BCLAF1: variants seen among roughly 807,000 people sequenced by gnomAD.
The protein encoded by BCLAF1 is bcl-2-associated transcription factor 1.
In BCLAF1, 10 loss-of-function variants were observed where a neutral mutation model predicts 99.5. That is an observed-to-expected ratio of 0.10 (90% CI 0.06 to 0.17). BCLAF1 has a LOEUF of 0.17. Ranked by LOEUF, BCLAF1 falls within the 10% of genes least tolerant of loss-of-function variation. The pLI, the probability that BCLAF1 is intolerant of heterozygous loss-of-function variation, is 1.00. For synonymous variants in BCLAF1, 255 were observed against 370.9 expected (o/e 0.69, Z 3.59); for missense variants, 636 against 1,105.8 (o/e 0.58, Z 6.02).
chr6:136,261,104 T>A lies in BCLAF1; in HGVS notation c.*6A>T, dbSNP rs1780906820. The stretch of plus-strand genomic sequence containing the variant: ...TCTGCTCTGTTGTAATCTTACTTCA[T>A]ATTTATTATTCCTAAAAGAGAGAGA... On this transcript the variant is annotated 3_prime_UTR_variant, in exon 13 of 13. Transcript: ENST00000531224. The A allele has an allele frequency of 6.3e-6, 10 of 1,577,688 alleles. No homozygotes were observed. In the East Asian group the frequency reaches 2.2e-4, roughly 35 times the overall value.
chr6:136,265,710 G>C (rs1424330232), intron 11 of BCLAF1, among the ~76,000 whole-genome samples: 1 of 152,088 alleles, frequency 6.6e-6, no homozygotes, highest in Admixed American at 6.6e-5. Context: ...TTAAGGTCAA[G>C]TTCCTCTACA....
At chr6:136,261,205 T>G in intron 12 of BCLAF1, 60 bp downstream of exon 12, 2 of 1,572,856 alleles carry the variant, frequency 1.3e-6, no homozygotes, top group South Asian at 2.3e-5. Context: ...AATGAAATAA[T>G]TCACCCACCA....
chr6:136,281,977 A>G (rs999849702), intron 2 of BCLAF1, among the ~76,000 whole-genome samples: 2 of 152,220 alleles, frequency 1.3e-5, no homozygotes, highest in Non-Finnish European at 2.9e-5. Context: ...ACGGAAAGAA[A>G]GCATGCCTAT....
chr6:136,275,126 TAAC>T (rs1187605057), intron 6 of BCLAF1, among the ~76,000 whole-genome samples: 17 of 152,068 alleles, frequency 1.1e-4, no homozygotes, highest in Admixed American at 9.8e-4. Context: ...AAATATTCAA[TAAC>T]AATACTGTCT....
chr6:136,278,730 G>C lies in BCLAF1; in HGVS notation c.151C>G (p.Arg51Gly), dbSNP rs779833402. The C allele has an allele frequency of 6.2e-7, 1 of 1,605,074 alleles. No homozygotes were observed. ...RTYSRSRSRD[R>G]MYSRDYRRDY... ...CGACGATAATCTCTAGAATACATACGATCTCTACTACGAGACCTTGAATAT... is the reference window on the plus strand; with the variant it reads ...CGACGATAATCTCTAGAATACATACCATCTCTACTACGAGACCTTGAATAT... Residue 51 changes from arginine to glycine, a missense_variant, in exon 4 of 13, where the codon CGT (arginine) becomes GGT (glycine). Transcript: ENST00000531224.
intron 9 of BCLAF1, chr6:136,268,993 A>T: frequency 2.1e-6 from 1 of 480,822 alleles, no homozygotes; most frequent in Non-Finnish European, 2.8e-6. Flanking sequence ...TATTATTTTG[A>T]AAGACTAATA....
intron 11 of BCLAF1, among the ~76,000 whole-genome samples, chr6:136,263,468 A>C (rs771517958): frequency 6.4e-4 from 97 of 152,192 alleles, no homozygotes; most frequent in Admixed American, 6.5e-4. Context: ...TTTTGATGCT[A>C]AACATATTCT....
chr6:136,275,188 A>G (rs1363480911), intron 6 of BCLAF1, among the ~76,000 whole-genome samples: 2 of 152,124 alleles, frequency 1.3e-5, no homozygotes, highest in Admixed American at 6.6e-5. Context: ...ATAGGCATGC[A>G]ATGAAAGACT....
chr6:136,272,630 A>C (rs917500735), intron 7 of BCLAF1, among the ~76,000 whole-genome samples: 2 of 151,984 alleles, frequency 1.3e-5, no homozygotes, highest in African/African-American at 4.8e-5. Flanking sequence ...CACATTTTGT[A>C]TATGAAAAAA....
chr6:136,261,888 A>G (rs913952149), intron 11 of BCLAF1, among the ~76,000 whole-genome samples: 2 of 152,240 alleles, frequency 1.3e-5, no homozygotes, highest in Non-Finnish European at 2.9e-5. Flanking sequence ...AGTCATAAAA[A>G]TATCATTAAA....
chr6:136,283,855 A>G (rs1045144858), intron 1 of BCLAF1, among the ~76,000 whole-genome samples: 1 of 152,146 alleles, frequency 6.6e-6, no homozygotes, highest in South Asian at 2.1e-4. Context: ...AAAAAGTAGC[A>G]AAGTCAAAAA....
At chr6:136,274,930 G>C (rs1490598494) in intron 6 of BCLAF1, among the ~76,000 whole-genome samples, 1 of 151,408 alleles carries the variant, frequency 6.6e-6, no homozygotes. Context: ...ATCCTAATTA[G>C]TCACTATTCA....
In BCLAF1 at chr6:136,258,039, A is replaced by AT. The variant is rs1213739512; in HGVS notation, c.*3070dup. On this transcript the variant is annotated 3_prime_UTR_variant, in exon 13 of 13. Transcript: ENST00000531224. ...CACACAGAGTTATTTCTCTCACAGAATTTTTAAGGACTAATTTGCCATTTG... is the reference window on the plus strand; with the variant it reads ...CACACAGAGTTATTTCTCTCACAGAATTTTTTAAGGACTAATTTGCCATTTG... 6.6e-6 allele frequency: 1 copy of AT among 152,150 alleles called. No homozygotes were observed. The highest frequency in any genetic ancestry group is 1.5e-5 in the Non-Finnish European group (1 of 67,962). 9.4% of individuals were successfully genotyped at this position (152,150 alleles called of 1,614,324 possible).
At chr6:136,263,517 A>G (rs1275375682) in intron 11 of BCLAF1, among the ~76,000 whole-genome samples, 1 of 152,214 alleles carries the variant, frequency 6.6e-6, no homozygotes, top group Non-Finnish European at 1.5e-5. Context: ...CAGTCTCATT[A>G]TTAAAATGTT....
At chr6:136,288,439 C>T (rs973841655) in intron 1 of BCLAF1, among the ~76,000 whole-genome samples, 2 of 152,160 alleles carry the variant, frequency 1.3e-5, no homozygotes, top group African/African-American at 4.8e-5. Flanking sequence ...GTTTTTCCTA[C>T]GTAAAGGTTA....
chr6:136,281,949 C>G (rs1420958797), intron 2 of BCLAF1, among the ~76,000 whole-genome samples: 2 of 152,168 alleles, frequency 1.3e-5, no homozygotes, highest in Non-Finnish European at 2.9e-5. Context: ...TAAGCTACAC[C>G]TGAAACTTCA....
chr6:136,273,903 G>A (rs1224145024), intron 6 of BCLAF1: 1 of 981,086 alleles, frequency 1.0e-6, no homozygotes, highest in Non-Finnish European at 1.3e-6. Flanking sequence ...GCTATGAAAT[G>A]TCACATTATG....
At chr6:136,269,090 GT>G in intron 9 of BCLAF1, 1 of 1,139,648 alleles carries the variant, frequency 8.8e-7, no homozygotes, top group East Asian at 6.5e-5. Context: ...TACTCTGGGT[GT>G]TATGAGTTGA....
Position 136,269,618 on chromosome 6 carries a change from A to G in BCLAF1, c.2044-6T>C, listed in dbSNP as rs752704274. The G allele has an allele frequency of 3.2e-6, 5 of 1,577,902 alleles. No individual in the cohort carries two copies. The highest frequency in any genetic ancestry group is 4.3e-6 in the Non-Finnish European group (5 of 1,167,920). On this transcript the variant is annotated splice_region_variant and splice_polypyrimidine_tract_variant and intron_variant, in intron 8 of 12. Transcript: ENST00000531224. ...CACCTTAATTTTTTATCTCCCTATA[A>G]AAGACAGATATAAAATACAGATTTC...
Sources: gnomAD v4.1 joint callset for allele counts (sites outside exome capture counted in the v4.1 genomes callset) on GRCh38, gnomAD v4.1.1 for gene constraint, MANE v1.5 for transcripts, NCBI Gene and HGNC (gene_info 2026-07-23, HGNC 2026-07-21) for gene names.